The following CDK5RAP2 variants were observed in gnomAD, a reference collection of about 807,000 sequenced individuals.
CDK5RAP2 encodes the protein CDK5 regulatory subunit-associated protein 2.
In CDK5RAP2, 147 loss-of-function variants were observed where a neutral mutation model predicts 232.9. The observed-to-expected ratio is 0.63, with a 90% confidence interval of 0.55 to 0.72. CDK5RAP2 has a LOEUF of 0.72. Ranked by LOEUF, CDK5RAP2 falls within the 30% of genes least tolerant of loss-of-function variation. The pLI, the probability that CDK5RAP2 is intolerant of heterozygous loss-of-function variation, is 0.00. For synonymous variants in CDK5RAP2, 833 were observed against 833.7 expected (o/e 1.00, Z 0.01); for missense variants, 2,195 against 2,231.5 (o/e 0.98, Z 0.33).
chr9:120,489,129 T>C (rs563097176), intron 13 of CDK5RAP2, among the ~76,000 whole-genome samples: 61 of 152,374 alleles, frequency 4.0e-4, no homozygotes, highest in African/African-American at 1.1e-3. Flanking sequence ...GAACGCTGAA[T>C]TGGAAATCAC....
Position 120,403,888 on chromosome 9 carries a change from A to G in CDK5RAP2, c.5041+148T>C. ...ATTAACTGGCTTGAAGGAGAAGATC[A>G]CCAGCTGGGGATGCTGAGAACTTGA... On this transcript the variant is annotated intron_variant, in intron 33 of 37. Coordinates refer to ENST00000349780, the MANE Select transcript of CDK5RAP2 (RefSeq NM_018249.6). The surrounding 1 kb of genome is among the most constrained non-coding windows in gnomAD (Gnocchi z 4.2). 1 of 690,456 alleles carries G rather than the reference A, an allele frequency of 1.4e-6. No individual in the cohort carries two copies. Among genetic ancestry groups the G allele is most frequent in the Non-Finnish European group, 2.7e-6 (1 of 375,946 alleles). The allele number at this position is 690,456 out of a possible 1,614,324, so 42.8% of individuals were successfully genotyped here. A position where few individuals can be genotyped will look rare whatever the true frequency, so the allele number is the denominator to read the frequency against.
At chr9:120,392,451 C>T (rs929439428) in intron 36 of CDK5RAP2, among the ~76,000 whole-genome samples, 2 of 152,190 alleles carry the variant, frequency 1.3e-5, no homozygotes, top group African/African-American at 2.4e-5. Context: ...TTTTGACCGA[C>T]CACAGTACTC....
chr9:120,389,424 T>C, intron 37 of CDK5RAP2, 132 bp from the exon 38 acceptor site: 1 of 751,590 alleles, frequency 1.3e-6, no homozygotes, highest in Non-Finnish European at 2.3e-6. Flanking sequence ...CAGTAAATAT[T>C]TACCTAATAA....
Position 120,437,506 on chromosome 9 carries a change from G to T in CDK5RAP2, c.3744C>A (p.Ser1248=). Residue 1248 remains serine (S), a synonymous_variant, in exon 25 of 38, where the codon TCC becomes TCA. Transcript: ENST00000349780. The part of the protein sequence containing the change: ...SPPRYDSLVQ[S]QARELSLQRQ... The stretch of plus-strand genomic sequence containing the variant: ...GTTGAAGGGAGAGCTCCCTGGCTTG[G>T]GACTGAACTAATGAATCGTATCTGA... The T allele has an allele frequency of 6.2e-7, 1 of 1,613,506 alleles. No individual in the cohort carries two copies. Among genetic ancestry groups the T allele is most frequent in the Non-Finnish European group, 8.5e-7 (1 of 1,179,488 alleles).
chr9:120,407,993 T>G, intron 31 of CDK5RAP2: 1 of 324,676 alleles, frequency 3.1e-6, no homozygotes, highest in East Asian at 7.4e-5. Context: ...TAATAAATGG[T>G]CTCATTCAAT....
In CDK5RAP2 at chr9:120,388,902, A is replaced by C. The variant is rs1487182797; in HGVS notation, c.*334T>G. The C allele has an allele frequency of 1.3e-5, 5 of 383,284 alleles. No homozygotes were observed. The highest frequency in any genetic ancestry group is 1.9e-5 in the Non-Finnish European group (4 of 213,032). 23.7% of individuals were successfully genotyped at this position (383,284 alleles called of 1,614,324 possible). A position where few individuals can be genotyped will look rare whatever the true frequency, so the allele number is the denominator to read the frequency against. Reference sequence around the variant, plus strand: ...AAATGAAATGAATCATTTAATGAGAATCTTCAAACTGTGGCACTGGCTGAG... The same window carrying C: ...AAATGAAATGAATCATTTAATGAGACTCTTCAAACTGTGGCACTGGCTGAG... On this transcript the variant is annotated 3_prime_UTR_variant, in exon 38 of 38. Transcript: ENST00000349780.
At chr9:120,398,574 A>G (rs2032723580) in intron 35 of CDK5RAP2, among the ~76,000 whole-genome samples, 2 of 152,050 alleles carry the variant, frequency 1.3e-5, no homozygotes, top group South Asian at 2.1e-4. Context: ...TCTCATTTTG[A>G]TTTTTTATAA....
rs762101888 is a variant in CDK5RAP2 at position 120,579,964 on chromosome 9, C to A, written c.15G>T (p.Val5=). Residue 5 remains valine (V), a synonymous_variant, in exon 1 of 38, where the codon GTG becomes GTT. Coordinates refer to ENST00000349780, the MANE Select transcript of CDK5RAP2 (RefSeq NM_018249.6). Reference sequence around the variant, plus strand: ...CAGGGACGGTGACGTCCTCTTCCAACACCAAGTCCATCATGGCTACAGAGG... The same window carrying A: ...CAGGGACGGTGACGTCCTCTTCCAAAACCAAGTCCATCATGGCTACAGAGG... MMDL[V]LEEDVTVPGT... 5.5e-5 allele frequency: 89 copies of A among 1,612,296 alleles called. No individual in the cohort carries two copies. Among genetic ancestry groups the A allele is most frequent in the Non-Finnish European group, 6.8e-6 (8 of 1,178,418 alleles).
intron 6 of CDK5RAP2, among the ~76,000 whole-genome samples, chr9:120,537,704 A>G (rs2041454089): frequency 6.6e-6 from 1 of 152,156 alleles, no homozygotes; most frequent in African/African-American, 2.4e-5. Context: ...AAAAAAAAAA[A>G]AAGAAAGAAT....
chr9:120,424,701 CTTTT>C (rs779377396), intron 25 of CDK5RAP2, among the ~76,000 whole-genome samples: 2 of 136,402 alleles, frequency 1.5e-5, no homozygotes, highest in South Asian at 2.4e-4. Context: ...TCTCACAGCT[CTTTT>C]TTTTTTTTTT....
intron 3 of CDK5RAP2, among the ~76,000 whole-genome samples, chr9:120,563,922 A>G (rs148454970): frequency 6.6e-6 from 1 of 152,260 alleles, no homozygotes; most frequent in Non-Finnish European, 1.5e-5. Context: ...AAGGGCCTCA[A>G]TGCAAGAATG....
chr9:120,411,368 T>C lies in CDK5RAP2; in HGVS notation c.4404A>G (p.Lys1468=), dbSNP rs2033836750. 1.9e-6 allele frequency: 3 copies of C among 1,591,376 alleles called. No individual in the cohort carries two copies. Among genetic ancestry groups the C allele is most frequent in the Admixed American group, 3.3e-5 (2 of 59,982 alleles). ...TCCTTTAACTCTTACCTCTGGATCC[T>C]TTAATGAGCATTGCATTGAGGGCCT... The part of the protein sequence containing the change: ...QNQALNAMLI[K]GSRDKQKEND... Residue 1468 remains lysine (K), a synonymous_variant, in exon 29 of 38, where the codon AAA becomes AAG. Transcript: ENST00000349780.
intron 3 of CDK5RAP2, among the ~76,000 whole-genome samples, chr9:120,556,745 T>C (rs1437334621): frequency 2.0e-5 from 3 of 152,172 alleles, no homozygotes; most frequent in Non-Finnish European, 4.4e-5. Context: ...TACAATTTTA[T>C]GACTGAATAA....
At chr9:120,489,690 C>T (rs982260118) in intron 13 of CDK5RAP2, among the ~76,000 whole-genome samples, 2 of 152,072 alleles carry the variant, frequency 1.3e-5, no homozygotes, top group African/African-American at 4.8e-5. Flanking sequence ...GAGCCTTATC[C>T]AAAGGAGTTA....
At chr9:120,411,747 C>A (rs1252403753) in intron 28 of CDK5RAP2, among the ~76,000 whole-genome samples, 1 of 152,176 alleles carries the variant, frequency 6.6e-6, no homozygotes, top group African/African-American at 2.4e-5. Flanking sequence ...TTCACCTTCA[C>A]AGATGTCTTT....
At chr9:120,563,770 G>A (rs1387494208) in intron 3 of CDK5RAP2, among the ~76,000 whole-genome samples, 1 of 152,188 alleles carries the variant, frequency 6.6e-6, no homozygotes, top group Non-Finnish European at 1.5e-5. Context: ...GGAAGGTGAG[G>A]GAGCTATGAT....
intron 13 of CDK5RAP2, among the ~76,000 whole-genome samples, chr9:120,489,617 T>C (rs1351248089): frequency 6.6e-6 from 1 of 152,200 alleles, no homozygotes; most frequent in East Asian, 1.9e-4. Context: ...TTAAACTTTT[T>C]TATATTTGCA....
chr9:120,389,684 C>T lies in CDK5RAP2; in HGVS notation c.5625+57G>A, dbSNP rs1004280151. ...TCATTTTTCAAGAGGTCCTTTCTGG[C>T]CCTGCACTCCTCCTGACCTTCCACT... On this transcript the variant is annotated intron_variant, in intron 37 of 37. Transcript: ENST00000349780. 4.6e-6 allele frequency: 7 copies of T among 1,519,506 alleles called. No individual in the cohort carries two copies. In the Admixed American group the frequency reaches 5.0e-5, roughly 11 times the overall value. 94.1% of individuals were successfully genotyped at this position (1,519,506 alleles called of 1,614,324 possible). A position where few individuals can be genotyped will look rare whatever the true frequency, so the allele number is the denominator to read the frequency against.
intron 34 of CDK5RAP2, 124 bp from the exon 35 acceptor site, chr9:120,401,009 T>A: frequency 1.0e-6 from 1 of 974,446 alleles, no homozygotes; most frequent in Non-Finnish European, 1.6e-6. Context: ...AGCGAAAGCC[T>A]GGTACCACAT....
Sources: allele counts gnomAD v4.1 joint callset (sites outside exome capture counted in the v4.1 genomes callset), GRCh38; gene constraint gnomAD v4.1.1; non-coding constraint Gnocchi (gnomAD v3.1); transcripts MANE v1.5; gene names NCBI Gene and HGNC (gene_info 2026-07-23, HGNC 2026-07-21).